MAPK8IP3: variants seen among roughly 807,000 people sequenced by gnomAD.
MAPK8IP3 encodes the protein mitogen-activated protein kinase 8 interacting protein 3.
Under a neutral mutation model 157.8 loss-of-function variants are expected in MAPK8IP3, and 49 were observed. The observed-to-expected ratio is 0.31, with a 90% CI of 0.25 to 0.39. MAPK8IP3 has a LOEUF of 0.39. MAPK8IP3 is among the 10% of genes least tolerant of loss of function. The pLI is 1.00. For missense variants in MAPK8IP3, 1,478 were observed against 1,889.4 expected (o/e 0.78, Z 4.04); for synonymous variants, 897 against 777.7 (o/e 1.15, Z -2.55).
chr16:1,766,538 G>A lies in MAPK8IP3; in HGVS notation c.2829G>A (p.Gly943=), dbSNP rs199754944. The change falls in exon 23 of 32, where the codon GGG becomes GGA. Residue 943 remains glycine (G), a synonymous_variant. Coordinates refer to ENST00000610761, the MANE Select transcript of MAPK8IP3 (RefSeq NM_001318852.2). Reference sequence around the variant, plus strand: ...ACCGTTCTTCCTGCAGCGAGAACGGGCCAGAGCCTGACAGCAGCAGCACAC... The same window carrying A: ...ACCGTTCTTCCTGCAGCGAGAACGGACCAGAGCCTGACAGCAGCAGCACAC... The part of the protein sequence containing the change: ...SSGPQPGSEN[G]PEPDSSSTRP... The A allele has an allele frequency of 1.7e-4, 272 of 1,611,760 alleles. No individual in the cohort carries two copies. In the African/African-American group the frequency reaches 3.2e-3, roughly 19 times the overall value.
rs201553521 is a variant in MAPK8IP3 at position 1,764,088 on chromosome 16, C to T, written c.2026-27C>T. On this transcript the variant is annotated intron_variant, in intron 17 of 31. Transcript: ENST00000610761. ...GGATGGGTAGGAGCCAGGGTTCGTG[C>T]CCACGGCGCCTCCCTGCTCCCTGCA... The T allele has an allele frequency of 6.1e-5, 95 of 1,569,558 alleles. No individual in the cohort carries two copies. The Middle Eastern group carries it at 8.2e-4, about 13-fold the overall frequency.
intron 8 of MAPK8IP3, 58 bp from the exon 9 acceptor site, chr16:1,758,090 C>G: frequency 4.4e-6 from 7 of 1,589,692 alleles, no homozygotes; most frequent in Non-Finnish European, 6.0e-6. Flanking sequence ...GTTCCAGTCC[C>G]TAATTGACCT....
At chr16:1,730,044 CAAAA>C (rs58933347) in intron 4 of MAPK8IP3, among the ~76,000 whole-genome samples, 22 of 46,982 alleles carry the variant, frequency 4.7e-4, no homozygotes, top group Non-Finnish European at 6.3e-4. Flanking sequence ...CTTGTCTCTA[CAAAA>C]AAAAAAAAAA....
chr16:1,715,084 C>A (rs1230166979), intron 1 of MAPK8IP3, among the ~76,000 whole-genome samples: 2 of 151,934 alleles, frequency 1.3e-5, no homozygotes, highest in African/African-American at 2.4e-5. Flanking sequence ...ATATATATAT[C>A]TATTTCCCAT....
Position 1,762,969 on chromosome 16 carries a change from T to C in MAPK8IP3, c.1861T>C (p.Ser621Pro). ...CCGCAACCATGCCATGTGCCCGATC[T>C]CGGCAGGCAGCCGGCCCCTGGAATT... The part of the protein sequence containing the change: ...QRRNHAMCPI[S>P]AGSRPLEFFP... Residue 621 changes from serine to proline, a missense_variant, in exon 16 of 32, where the codon TCG becomes CCG. This residue lies in a region of MAPK8IP3 where 669 missense variants were observed against 759.8 expected (regional missense o/e 0.88). Transcript: ENST00000610761. 6.2e-7 allele frequency: 1 copy of C among 1,612,854 alleles called. No individual in the cohort carries two copies. The highest frequency in any genetic ancestry group is 2.2e-5 in the East Asian group (1 of 44,874).
In MAPK8IP3 at chr16:1,759,043, A is replaced by G. The variant is rs373518633; in HGVS notation, c.1246+48A>G. ...GCGTGCGTCGCTCCTCCACCCCGAC[A>G]TGGTCTCCTGCTTCATGAGCCGTTT... On this transcript the variant is annotated intron_variant, in intron 10 of 31. Transcript: ENST00000610761. 2.2e-5 allele frequency: 36 copies of G among 1,609,536 alleles called. No homozygotes were observed. In the Admixed American group the frequency reaches 5.0e-4, roughly 22 times the overall value.
intron 11 of MAPK8IP3, 104 bp from the exon 12 acceptor site, chr16:1,760,276 G>A (rs1187818930): frequency 5.6e-6 from 8 of 1,440,968 alleles, no homozygotes; most frequent in Admixed American, 2.0e-5. Flanking sequence ...TTCCTAACCA[G>A]GCTGTGCCTT....
In MAPK8IP3 at chr16:1,741,185, C is replaced by A. The variant is rs1001318035; in HGVS notation, c.603-2147C>A. On this transcript the variant is annotated intron_variant, in intron 4 of 31. Transcript: ENST00000610761. This position sits in a 1 kb window ranked among gnomAD's most constrained non-coding sequence, Gnocchi z 6.9. The stretch of plus-strand genomic sequence containing the variant: ...CATGACCCCCAAGGGCAGCGTGACC[C>A]CCGAGGGTGGCGTGACCCCTGGGGG... Among the ~76,000 whole-genome samples the A allele has an allele frequency of 2.0e-5, 3 of 152,138 alleles. No individual in the cohort carries two copies. The highest frequency in any genetic ancestry group is 2.9e-5 in the Non-Finnish European group (2 of 68,006).
chr16:1,762,530 G>A, intron 14 of MAPK8IP3, 49 bp downstream of exon 14: 7 of 1,604,824 alleles, frequency 4.4e-6, no homozygotes, highest in Non-Finnish European at 6.0e-6. Context: ...ATCCCTGACG[G>A]CAGGACTGCG....
rs867745226 is a variant in MAPK8IP3, at chr16:1,742,411, A to G, written c.603-921A>G. Among the ~76,000 whole-genome samples the G allele has an allele frequency of 6.6e-6, 1 of 152,174 alleles. No individual in the cohort carries two copies. The highest frequency in any genetic ancestry group is 1.5e-5 in the Non-Finnish European group (1 of 68,010). On this transcript the variant is annotated intron_variant, in intron 4 of 31. Transcript: ENST00000610761. This position sits in a 1 kb window ranked among gnomAD's most constrained non-coding sequence, Gnocchi z 5.0. ...AGGCTGTCCGAGGCCAGGCTGTCCC[A>G]GGGTCCGTCTTCAGGTTCGGGGCTC...
At chr16:1,721,895 G>A (rs1262904985) in intron 1 of MAPK8IP3, among the ~76,000 whole-genome samples, 3 of 151,878 alleles carry the variant, frequency 2.0e-5, no homozygotes, top group Non-Finnish European at 2.9e-5. Flanking sequence ...TCGCCCTCCC[G>A]AGTAGCTGGG....
At chr16:1,712,131 G>C (rs915166594) in intron 1 of MAPK8IP3, among the ~76,000 whole-genome samples, 1 of 132,676 alleles carries the variant, frequency 7.5e-6, no homozygotes, top group Non-Finnish European at 1.5e-5. Context: ...GCGCAATCTC[G>C]GCTCACTGCA....
chr16:1,763,590 C>A, intron 16 of MAPK8IP3, 67 bp from the exon 17 acceptor site: 1 of 1,419,392 alleles, frequency 7.0e-7, no homozygotes, highest in Non-Finnish European at 9.3e-7. Context: ...TCCCCCAGGA[C>A]AAGCCTGGGG....
At chr16:1,718,524 T>A (rs1028711871) in intron 1 of MAPK8IP3, among the ~76,000 whole-genome samples, 2 of 151,346 alleles carry the variant, frequency 1.3e-5, no homozygotes, top group African/African-American at 4.8e-5. Context: ...CCGGGTACGG[T>A]GGCTCTCGCC....
At chr16:1,736,920 A>G (rs1180373857) in intron 4 of MAPK8IP3, among the ~76,000 whole-genome samples, 1 of 42,138 alleles carries the variant, frequency 2.4e-5, no homozygotes. Context: ...GTGAGTGACC[A>G]TCCATGTGAG....
intron 12 of MAPK8IP3, among the ~76,000 whole-genome samples, chr16:1,760,768 C>T (rs573842326): frequency 6.6e-6 from 1 of 152,334 alleles, no homozygotes; most frequent in African/African-American, 2.4e-5. Context: ...CTGCACAGCT[C>T]CCACCATCCC....
At chr16:1,734,670 T>C (rs964072180) in intron 4 of MAPK8IP3, among the ~76,000 whole-genome samples, 5 of 152,212 alleles carry the variant, frequency 3.3e-5, no homozygotes, top group African/African-American at 1.2e-4. Context: ...AAGGAGCCCG[T>C]CCCTGCTGGA....
rs1467296933 is a variant in MAPK8IP3 at position 1,764,492 on chromosome 16, C to T, written c.2280+33C>T. ...TGGCCGAGGCCACCGGGCACCCTCC[C>T]TGGCTTAGTCTCAGGACAGCTCAGC... is the stretch of plus-strand genomic sequence containing the variant. On this transcript the variant is annotated intron_variant, in intron 19 of 31. Transcript: ENST00000610761. 8 of 1,599,292 alleles carry T rather than the reference C, an allele frequency of 5.0e-6. No homozygotes were observed. In the African/African-American group the frequency reaches 8.0e-5, roughly 16 times the overall value.
At chr16:1,752,489 TC>T in intron 8 of MAPK8IP3, 1 of 365,696 alleles carries the variant, frequency 2.7e-6, no homozygotes, top group Non-Finnish European at 5.4e-6. Flanking sequence ...ACACCTGTAA[TC>T]CCAGAGCTTT....
Sources: gnomAD v4.1 joint callset for allele counts (sites outside exome capture counted in the v4.1 genomes callset) on GRCh38, gnomAD v4.1.1 for gene constraint, gnomAD v4.1.1 regional missense constraint, Gnocchi (gnomAD v3.1) non-coding constraint, MANE v1.5 for transcripts, NCBI Gene and HGNC (gene_info 2026-07-23, HGNC 2026-07-21) for gene names.